TAFA2: variants seen among roughly 807,000 people sequenced by gnomAD.
TAFA2 encodes TAFA chemokine like family member 2, also known as chemokine-like protein TAFA-2.
TAFA2 carries 7 observed loss-of-function variants against 18.8 expected under a neutral mutation model. That is an observed-to-expected ratio of 0.37 (90% CI 0.21 to 0.70). The LOEUF (loss-of-function observed/expected upper bound fraction) is 0.70. Ranked by LOEUF, TAFA2 falls within the 30% of genes least tolerant of loss-of-function variation. TAFA2 has a pLI of 0.53. For synonymous variants in TAFA2, 60 were observed against 54.2 expected (o/e 1.11, Z -0.47); for missense variants, 122 against 158.1 (o/e 0.77, Z 1.23).
intron 1 of TAFA2, among the ~76,000 whole-genome samples, chr12:62,041,480 A>T (rs570983489): frequency 2.6e-5 from 4 of 152,274 alleles, no homozygotes; most frequent in East Asian, 1.9e-4. Flanking sequence ...TATTTCTCTT[A>T]TCTAGGACAT....
intron 4 of TAFA2, among the ~76,000 whole-genome samples, chr12:61,743,980 A>C (rs1381828878): frequency 6.6e-6 from 1 of 151,870 alleles, no homozygotes; most frequent in Admixed American, 6.6e-5. Flanking sequence ...AAGTCCTACG[A>C]GGTGCCATTT....
At chr12:61,935,433 A>G (rs1301890572) in intron 1 of TAFA2, among the ~76,000 whole-genome samples, 1 of 152,168 alleles carries the variant, frequency 6.6e-6, no homozygotes, top group Non-Finnish European at 1.5e-5. Context: ...TCATATAGCT[A>G]TAAGTTTATA....
intron 1 of TAFA2, among the ~76,000 whole-genome samples, chr12:62,064,400 A>C (rs976556482): frequency 1.3e-5 from 2 of 152,138 alleles, no homozygotes; most frequent in South Asian, 4.1e-4. Flanking sequence ...AATTAAAAAA[A>C]CAAAAACACA....
chr12:61,983,600 G>C (rs991442446), intron 1 of TAFA2, among the ~76,000 whole-genome samples: 2 of 152,042 alleles, frequency 1.3e-5, no homozygotes, highest in Non-Finnish European at 2.9e-5. Context: ...TACAGACGGG[G>C]TTTCACTGTG....
At chr12:61,926,080 CA>C (rs1237370688) in intron 1 of TAFA2, among the ~76,000 whole-genome samples, 1 of 152,208 alleles carries the variant, frequency 6.6e-6, no homozygotes, top group African/African-American at 2.4e-5. Context: ...CAACTCTACA[CA>C]AATAAACTAG....
chr12:62,182,367 T>C (rs1331825040), intron 1 of TAFA2, among the ~76,000 whole-genome samples: 6 of 152,108 alleles, frequency 3.9e-5, no homozygotes, highest in African/African-American at 1.4e-4. Flanking sequence ...AGTGACCAGG[T>C]TTGAGCTGCT....
chr12:61,730,936 C>A (rs1870413409), intron 4 of TAFA2, among the ~76,000 whole-genome samples: 1 of 152,102 alleles, frequency 6.6e-6, no homozygotes, highest in African/African-American at 2.4e-5. Context: ...TGCACCCCCA[C>A]CATAGGATTC....
Position 61,711,376 on chromosome 12 carries a change from A to T in TAFA2, c.385-959T>A, listed in dbSNP as rs1430806766. On this transcript the variant is annotated intron_variant, in intron 4 of 4. Coordinates refer to ENST00000416284, the MANE Select transcript of TAFA2 (RefSeq NM_178539.5). ...AAATATCTCGATTTCTGCTGTGTTA[A>T]TAAATTTCTAATTCTATTCTAATAT... Among the ~76,000 whole-genome samples the T allele has an allele frequency of 2.0e-5, 3 of 152,088 alleles. No homozygotes were observed. The East Asian group carries it at 5.8e-4, about 30-fold the overall frequency.
chr12:62,143,702 C>T (rs528863681), intron 1 of TAFA2, among the ~76,000 whole-genome samples: 8 of 152,208 alleles, frequency 5.3e-5, no homozygotes, highest in African/African-American at 1.7e-4. Flanking sequence ...CAAATCTCTT[C>T]TTGATGTCAT....
At chr12:62,117,506 T>A (rs1159494535) in intron 1 of TAFA2, among the ~76,000 whole-genome samples, 1 of 152,218 alleles carries the variant, frequency 6.6e-6, no homozygotes, top group East Asian at 1.9e-4. Flanking sequence ...GGACCCCACA[T>A]ATTTCCAACA....
intron 2 of TAFA2, among the ~76,000 whole-genome samples, chr12:61,762,403 A>C (rs1869593601): frequency 6.6e-6 from 1 of 151,976 alleles, no homozygotes; most frequent in African/African-American, 2.4e-5. Context: ...TTTTCCAAAG[A>C]ATTGGTTTGT....
intron 1 of TAFA2, among the ~76,000 whole-genome samples, chr12:61,960,518 C>A (rs571695778): frequency 5.0e-4 from 76 of 152,122 alleles, no homozygotes; most frequent in African/African-American, 1.8e-3. Flanking sequence ...GTGAGAAATG[C>A]TTTACCATTG....
intron 1 of TAFA2, among the ~76,000 whole-genome samples, chr12:61,952,056 A>G (rs1878487569): frequency 6.6e-6 from 1 of 152,090 alleles, no homozygotes; most frequent in South Asian, 2.1e-4. Context: ...TACCAAAGAA[A>G]ATAATTCTCA....
At chr12:62,243,390 T>C (rs751030867) in intron 1 of TAFA2, among the ~76,000 whole-genome samples, 11 of 152,244 alleles carry the variant, frequency 7.2e-5, no homozygotes, top group Non-Finnish European at 1.3e-4. Flanking sequence ...TAGGCTGGAA[T>C]GAAGCCCTAT....
chr12:61,759,774 G>C (rs1391655019), intron 2 of TAFA2, among the ~76,000 whole-genome samples: 1 of 151,942 alleles, frequency 6.6e-6, no homozygotes, highest in Non-Finnish European at 1.5e-5. Context: ...GCAGAGTCAA[G>C]ATGAAAAATA....
At chr12:61,912,868 G>A (rs1314291201) in intron 1 of TAFA2, among the ~76,000 whole-genome samples, 2 of 152,176 alleles carry the variant, frequency 1.3e-5, no homozygotes, top group African/African-American at 4.8e-5. Context: ...TAGTTAGCTT[G>A]TGTAAGAGCT....
intron 1 of TAFA2, among the ~76,000 whole-genome samples, chr12:62,233,504 C>A (rs1169477734): frequency 6.6e-6 from 1 of 152,154 alleles, no homozygotes; most frequent in African/African-American, 2.4e-5. Flanking sequence ...ATCCTCTCCA[C>A]GTCCATTTCT....
intron 1 of TAFA2, among the ~76,000 whole-genome samples, chr12:62,248,552 CTT>C (rs764109726): frequency 2.6e-5 from 4 of 152,088 alleles, no homozygotes; most frequent in African/African-American, 7.2e-5. Context: ...GGCAAGAACA[CTT>C]AACATGAGAT....
intron 2 of TAFA2, among the ~76,000 whole-genome samples, chr12:61,830,867 T>C (rs1341781334): frequency 2.0e-5 from 3 of 152,098 alleles, no homozygotes; most frequent in Non-Finnish European, 4.4e-5. Flanking sequence ...TTCAGCTGAA[T>C]ATTTTTTTTA....
Sources: allele counts gnomAD v4.1 joint callset (sites outside exome capture counted in the v4.1 genomes callset), GRCh38; gene constraint gnomAD v4.1.1; transcripts MANE v1.5; gene names NCBI Gene and HGNC (gene_info 2026-07-23, HGNC 2026-07-21).